Variants in SMAP1 observed in about 807,000 individuals in gnomAD.
SMAP1 encodes small ArfGAP 1, also known as stromal membrane-associated protein 1.
A neutral mutation model predicts 58.5 loss-of-function variants in SMAP1; 24 were observed. The ratio of observed to expected loss-of-function variants is 0.41; its 90% CI spans 0.30 to 0.58. The LOEUF is 0.58. Among genes scored for constraint, SMAP1 ranks in the 20% least tolerant of loss-of-function variants. The pLI, the probability that SMAP1 is intolerant of heterozygous loss-of-function variation, is 0.29. For missense variants in SMAP1, 563 were observed against 566.3 expected (o/e 0.99, Z 0.06); for synonymous variants, 216 against 196.6 (o/e 1.10, Z -0.82).
At chr6:70,725,071 T>C (rs559694689) in intron 1 of SMAP1, among the ~76,000 whole-genome samples, 1 of 145,984 alleles carries the variant, frequency 6.9e-6, no homozygotes, top group East Asian at 2.1e-4. Flanking sequence ...TTGCTCAGAC[T>C]CCATATCCTA....
chr6:70,731,761 C>T (rs1489501335), intron 1 of SMAP1, among the ~76,000 whole-genome samples: 3 of 152,154 alleles, frequency 2.0e-5, no homozygotes. Flanking sequence ...CTTGTTTCCC[C>T]TTCTTGCCAA....
At chr6:70,847,002 T>A (rs1771013270) in intron 7 of SMAP1, among the ~76,000 whole-genome samples, 1 of 152,242 alleles carries the variant, frequency 6.6e-6, no homozygotes, top group African/African-American at 2.4e-5. Flanking sequence ...GTTAAACTTG[T>A]ATTAAAATAT....
intron 6 of SMAP1, among the ~76,000 whole-genome samples, chr6:70,805,806 G>A (rs748205034): frequency 3.3e-5 from 5 of 152,170 alleles, no homozygotes; most frequent in East Asian, 1.9e-4. Context: ...TACTGTGGAC[G>A]CTGTTTTCCT....
chr6:70,805,399 G>A (rs775159726), intron 6 of SMAP1, among the ~76,000 whole-genome samples: 9 of 152,104 alleles, frequency 5.9e-5, no homozygotes, highest in Non-Finnish European at 1.0e-4. Flanking sequence ...TTAGCCATTC[G>A]TCTAACCTTT....
chr6:70,828,174 G>A lies in SMAP1; in HGVS notation c.577-8767G>A, dbSNP rs375679170. 1.9e-3 allele frequency among the ~76,000 whole-genome samples: 285 copies of A among 152,186 alleles called. 15 individuals carry two copies. The South Asian group carries it at 0.056, about 30-fold the overall frequency. ...ACTGGTTTTTATTAATGTATTTATAGCATATAGTCAAAAGACTTTATTTGA... is the reference window on the plus strand; with the variant it reads ...ACTGGTTTTTATTAATGTATTTATAACATATAGTCAAAAGACTTTATTTGA... On this transcript the variant is annotated intron_variant, in intron 6 of 10. Coordinates refer to ENST00000370455, the MANE Select transcript of SMAP1 (RefSeq NM_001044305.3).
intron 5 of SMAP1, among the ~76,000 whole-genome samples, chr6:70,792,702 T>G (rs981522792): frequency 6.6e-6 from 1 of 152,050 alleles, no homozygotes; most frequent in Admixed American, 6.6e-5. Context: ...TTTGGGGAGT[T>G]GCAAGTAGAA....
intron 1 of SMAP1, among the ~76,000 whole-genome samples, chr6:70,706,088 A>G (rs1767825574): frequency 6.6e-6 from 1 of 152,180 alleles, no homozygotes; most frequent in Admixed American, 6.5e-5. Context: ...GGATAATGGG[A>G]TAATTAGAAA....
At chr6:70,695,621 C>T (rs1767370385) in intron 1 of SMAP1, among the ~76,000 whole-genome samples, 1 of 152,180 alleles carries the variant, frequency 6.6e-6, no homozygotes, top group Non-Finnish European at 1.5e-5. Context: ...TCATTGCATC[C>T]TTGGGATAAA....
intron 6 of SMAP1, among the ~76,000 whole-genome samples, chr6:70,823,444 C>A (rs1769980638): frequency 6.6e-6 from 1 of 152,100 alleles, no homozygotes; most frequent in Non-Finnish European, 1.5e-5. Context: ...TAATAAAACT[C>A]CTAGCAGGTC....
At chr6:70,810,173 C>T (rs1168215290) in intron 6 of SMAP1, among the ~76,000 whole-genome samples, 1 of 152,026 alleles carries the variant, frequency 6.6e-6, no homozygotes, top group Non-Finnish European at 1.5e-5. Context: ...TATTTTCTTT[C>T]TTTTCTTTTT....
rs138685504 is a variant in SMAP1, at chr6:70,798,676, A to G, written c.515A>G (p.Lys172Arg). 531 of 1,540,634 alleles carry G rather than the reference A, an allele frequency of 3.4e-4. 1 individual carries two copies. The East Asian group carries it at 0.012, about 36-fold the overall frequency. ...NKLEKEKEKK[K>R]EEKKREKEPE... is the part of the protein sequence containing the mutation. ...TTTTAGAAAGAAAAGGAAAAAAAAA[A>G]GGAAGAGAAAAAGAGAGAAAAGGAG... The change falls in exon 6 of 11, where the codon AAG becomes AGG. Residue 172 changes from lysine to arginine, a missense_variant. By Grantham distance (26) the Lys-to-Arg change is conservative. Around this residue, in one of 3 missense-constraint regions of SMAP1, gnomAD observed 494 missense variants for 473.8 expected, o/e 1.04. Transcript: ENST00000370455.
At chr6:70,679,114 C>G (rs1395280318) in intron 1 of SMAP1, among the ~76,000 whole-genome samples, 4 of 151,582 alleles carry the variant, frequency 2.6e-5, no homozygotes, top group Admixed American at 6.6e-5. Context: ...TCCTCTGCCT[C>G]CCCGGTTCAA....
chr6:70,827,692 C>T (rs1275184381), intron 6 of SMAP1, among the ~76,000 whole-genome samples: 1 of 152,166 alleles, frequency 6.6e-6, no homozygotes, highest in Non-Finnish European at 1.5e-5. Context: ...TTGTGTATCA[C>T]ATAATTCACT....
At chr6:70,707,676 GCTCAC>G (rs1767892806) in intron 1 of SMAP1, among the ~76,000 whole-genome samples, 1 of 152,028 alleles carries the variant, frequency 6.6e-6, no homozygotes, top group Non-Finnish European at 1.5e-5. Context: ...TGGGATCTTA[GCTCAC>G]TGCAACCTCC....
intron 4 of SMAP1, among the ~76,000 whole-genome samples, chr6:70,774,111 T>C (rs1767447462): frequency 6.6e-6 from 1 of 152,174 alleles, no homozygotes; most frequent in Non-Finnish European, 1.5e-5. Flanking sequence ...CTGGGAGTAA[T>C]AGATGTTACC....
chr6:70,784,966 A>G (rs1005717715), intron 4 of SMAP1, among the ~76,000 whole-genome samples: 1 of 152,346 alleles, frequency 6.6e-6, no homozygotes, highest in South Asian at 2.1e-4. Context: ...ATAGACATCT[A>G]CAGACCTCTC....
intron 1 of SMAP1, among the ~76,000 whole-genome samples, chr6:70,696,042 G>A (rs1014154304): frequency 6.6e-6 from 1 of 152,040 alleles, no homozygotes; most frequent in African/African-American, 2.4e-5. Context: ...ATTTCGTCTA[G>A]CTTTTCCAAT....
intron 6 of SMAP1, among the ~76,000 whole-genome samples, chr6:70,803,856 C>G (rs1045902591): frequency 1.2e-4 from 19 of 152,140 alleles, no homozygotes. Flanking sequence ...TCCTGAGAGA[C>G]AGTTTGTTGT....
chr6:70,735,419 G>A (rs1399955168), intron 2 of SMAP1, among the ~76,000 whole-genome samples: 1 of 152,188 alleles, frequency 6.6e-6, no homozygotes, highest in Non-Finnish European at 1.5e-5. Flanking sequence ...GGGCAAAAGT[G>A]ATGATCACAA....
Sources: allele counts gnomAD v4.1 joint callset (sites outside exome capture counted in the v4.1 genomes callset), GRCh38; gene constraint gnomAD v4.1.1; regional missense constraint gnomAD v4.1.1; transcripts MANE v1.5; gene names NCBI Gene and HGNC (gene_info 2026-07-23, HGNC 2026-07-21).